HPSE2: variants seen among roughly 807,000 people sequenced by gnomAD.
HPSE2 encodes the protein heparanase 2 (inactive), also known as inactive heparanase-2.
Under a neutral mutation model 60.5 loss-of-function variants are expected in HPSE2, and 38 were observed. The observed-to-expected ratio is 0.63, with a 90% CI of 0.48 to 0.82. The LOEUF is 0.82. Among genes scored for constraint, HPSE2 ranks in the 40% least tolerant of loss-of-function variants. The pLI, the probability that HPSE2 is intolerant of heterozygous loss-of-function variation, is 0.00. For missense variants in HPSE2, 713 were observed against 740.4 expected (o/e 0.96, Z 0.43); for synonymous variants, 295 against 293.2 (o/e 1.01, Z -0.06).
At chr10:98,716,302 A>G (rs1484788722) in intron 5 of HPSE2, among the ~76,000 whole-genome samples, 3 of 152,122 alleles carry the variant, frequency 2.0e-5, no homozygotes, top group Non-Finnish European at 2.9e-5. Context: ...CAAGGGCTAG[A>G]GTCCACTTCT....
chr10:98,645,701 A>G (rs1946748512), intron 6 of HPSE2, among the ~76,000 whole-genome samples: 1 of 152,190 alleles, frequency 6.6e-6, no homozygotes, highest in Admixed American at 6.5e-5. Context: ...GGGTATGGCC[A>G]GGCGTGGTGG....
chr10:98,675,498 C>T (rs1947612632), intron 6 of HPSE2, among the ~76,000 whole-genome samples: 1 of 151,180 alleles, frequency 6.6e-6, no homozygotes, highest in African/African-American at 2.4e-5. Flanking sequence ...TTGAACCCAG[C>T]AGTTTGAGAC....
intron 9 of HPSE2, among the ~76,000 whole-genome samples, chr10:98,589,959 G>A (rs780097047): frequency 6.6e-6 from 1 of 152,142 alleles, no homozygotes; most frequent in Non-Finnish European, 1.5e-5. Context: ...CCAGATATTC[G>A]CAATTTTCCC....
intron 3 of HPSE2, among the ~76,000 whole-genome samples, chr10:98,990,576 G>A (rs1049536398): frequency 1.3e-5 from 2 of 152,228 alleles, no homozygotes; most frequent in Admixed American, 6.5e-5. Context: ...GTGGCCTGGA[G>A]GTTGGGGACC....
chr10:98,883,374 A>G (rs1405046705), intron 3 of HPSE2, among the ~76,000 whole-genome samples: 1 of 152,170 alleles, frequency 6.6e-6, no homozygotes, highest in East Asian at 1.9e-4. Context: ...TTCAGCCAAG[A>G]AACTTTATAA....
chr10:99,096,056 T>C (rs977053831), intron 3 of HPSE2, among the ~76,000 whole-genome samples: 4 of 152,206 alleles, frequency 2.6e-5, no homozygotes, highest in African/African-American at 4.8e-5. Context: ...TATACTCAGG[T>C]ATAAACTGTC....
intron 3 of HPSE2, among the ~76,000 whole-genome samples, chr10:98,970,125 C>G (rs1327002346): frequency 6.6e-6 from 1 of 152,086 alleles, no homozygotes; most frequent in Non-Finnish European, 1.5e-5. Flanking sequence ...CCACACCAGG[C>G]TAATTTTTGT....
At chr10:98,667,606 T>C (rs895471731) in intron 6 of HPSE2, among the ~76,000 whole-genome samples, 3 of 152,210 alleles carry the variant, frequency 2.0e-5, no homozygotes, top group South Asian at 2.1e-4. Context: ...ATTCCTGATA[T>C]GCAAGGTTGG....
At chr10:98,805,565 G>A (rs1953637) in intron 3 of HPSE2, among the ~76,000 whole-genome samples, 17,599 of 151,496 alleles carry the variant, frequency 0.12, 2,588 homozygotes, top group African/African-American at 0.34. Context: ...AAAATAAAAA[G>A]ATTAAAAAAA....
At chr10:98,948,455 C>T (rs1303957000) in intron 3 of HPSE2, among the ~76,000 whole-genome samples, 2 of 152,108 alleles carry the variant, frequency 1.3e-5, no homozygotes, top group Admixed American at 1.3e-4. Flanking sequence ...GGGGAAGAAG[C>T]AATGCCAGAA....
Position 98,533,436 on chromosome 10 carries a change from T to A in HPSE2, c.1321-43240A>T, listed in dbSNP as rs150277955. 4.4e-3 allele frequency among the ~76,000 whole-genome samples: 676 copies of A among 152,324 alleles called. 7 individuals carry two copies. The highest frequency in any genetic ancestry group is 0.015 in the African/African-American group (636 of 41,584). Reference sequence around the variant, plus strand: ...TTTATGTTTCGTAACGTTAATCACATGCAATTCTTCTAAATCTGGGATCTA... The same window carrying A: ...TTTATGTTTCGTAACGTTAATCACAAGCAATTCTTCTAAATCTGGGATCTA... On this transcript the variant is annotated intron_variant, in intron 9 of 11. Coordinates refer to ENST00000370552, the MANE Select transcript of HPSE2 (RefSeq NM_021828.5).
chr10:99,087,901 T>G (rs1843379473), intron 3 of HPSE2, among the ~76,000 whole-genome samples: 1 of 152,050 alleles, frequency 6.6e-6, no homozygotes, highest in Admixed American at 6.6e-5. Flanking sequence ...TTTCTAACTT[T>G]AGAATTCCCA....
intron 9 of HPSE2, among the ~76,000 whole-genome samples, chr10:98,497,093 GTAGTCTAGTAA>G (rs1448295871): frequency 6.6e-6 from 1 of 151,878 alleles, no homozygotes; most frequent in Non-Finnish European, 1.5e-5. Flanking sequence ...TATTTTTTAA[GTAGTCTAGTAA>G]TTATTTTAGT....
At position 98,590,465 on chromosome 10, in the gene HPSE2, T is replaced by G. The variant is rs535018418; in HGVS notation, c.1320+24439A>C. Among the ~76,000 whole-genome samples, 12 of 152,316 alleles carry G rather than the reference T, an allele frequency of 7.9e-5. 1 individual carries two copies. The South Asian group carries it at 2.5e-3, about 32-fold the overall frequency. On this transcript the variant is annotated intron_variant, in intron 9 of 11. Coordinates refer to ENST00000370552, the MANE Select transcript of HPSE2 (RefSeq NM_021828.5). ...TTCTAGGGGTCATATCATTCAAACA[T>G]TGTCTTGTTTAAATATCACCCTTTA... is the stretch of plus-strand genomic sequence containing the variant.
chr10:98,463,677 T>C (rs1940404423), intron 11 of HPSE2, among the ~76,000 whole-genome samples: 1 of 151,970 alleles, frequency 6.6e-6, no homozygotes, highest in Non-Finnish European at 1.5e-5. Flanking sequence ...TGGTGGCACA[T>C]GCCTGTAGTC....
chr10:98,651,645 C>T (rs1040101640), intron 6 of HPSE2, among the ~76,000 whole-genome samples: 3 of 152,110 alleles, frequency 2.0e-5, no homozygotes, highest in Non-Finnish European at 4.4e-5. Flanking sequence ...AGGGAAATAT[C>T]AGCATGTTAT....
chr10:99,275,147 C>T, the HPSE2 span, among the ~76,000 whole-genome samples: 1 of 152,166 alleles, frequency 6.6e-6, no homozygotes, highest in African/African-American at 2.4e-5. Flanking sequence ...GTATTAGTTC[C>T]TTCCAAAAAT....
At chr10:99,246,420 G>A in the HPSE2 span, among the ~76,000 whole-genome samples, 1 of 152,234 alleles carries the variant, frequency 6.6e-6, no homozygotes, top group African/African-American at 2.4e-5. Context: ...GTGGTGAAAG[G>A]TGCTGTGGAG....
intron 10 of HPSE2, among the ~76,000 whole-genome samples, chr10:98,483,472 A>G (rs1350558965): frequency 6.6e-6 from 1 of 152,206 alleles, no homozygotes; most frequent in Non-Finnish European, 1.5e-5. Flanking sequence ...CTTTTTGATT[A>G]TTTCTGATGG....
Sources: allele counts gnomAD v4.1 joint callset (sites outside exome capture counted in the v4.1 genomes callset), GRCh38; gene constraint gnomAD v4.1.1; transcripts MANE v1.5; gene names NCBI Gene and HGNC (gene_info 2026-07-23, HGNC 2026-07-21).